Variants in VWA8 observed in about 807,000 individuals in gnomAD.
VWA8 encodes von Willebrand factor A domain-containing protein 8.
VWA8 carries 221 observed loss-of-function variants against 241.5 expected under a neutral mutation model. The observed-to-expected ratio is 0.91, with a 90% CI of 0.82 to 1.02. VWA8 has a LOEUF of 1.02. Ranked by LOEUF, VWA8 falls within the 50% of genes least tolerant of loss-of-function variation. The pLI is 0.00. For synonymous variants in VWA8, 852 were observed against 827.1 expected, an observed-to-expected ratio of 1.03 and a Z score of -0.52; for missense variants, 2,322 against 2,328.7, an observed-to-expected ratio of 1.00 and a Z score of 0.06.
chr13:41,635,550 G>A (rs2044751278), intron 37 of VWA8, among the ~76,000 whole-genome samples: 2 of 152,292 alleles, frequency 1.3e-5, no homozygotes, highest in Non-Finnish European at 2.9e-5. Context: ...AACAAGCCCT[G>A]GCTATGAATC....
At chr13:41,575,225 C>G (rs761744002) in intron 43 of VWA8, among the ~76,000 whole-genome samples, 2 of 151,998 alleles carry the variant, frequency 1.3e-5, no homozygotes, top group Non-Finnish European at 2.9e-5. Flanking sequence ...GACACAAAGA[C>G]ATAAGAGTGA....
At chr13:41,692,302 C>T (rs1016389125) in intron 30 of VWA8, among the ~76,000 whole-genome samples, 1 of 152,032 alleles carries the variant, frequency 6.6e-6, no homozygotes, top group African/African-American at 2.4e-5. Flanking sequence ...AAAAAAATCA[C>T]TCTTTTCATA....
At chr13:41,910,092 T>A (rs1001504870) in intron 3 of VWA8, among the ~76,000 whole-genome samples, 2 of 152,166 alleles carry the variant, frequency 1.3e-5, no homozygotes, top group East Asian at 3.8e-4. Context: ...CAATTTAAAG[T>A]TGGGGGTGTT....
chr13:41,801,717 G>A (rs951932646), intron 17 of VWA8, among the ~76,000 whole-genome samples: 13 of 152,106 alleles, frequency 8.5e-5, no homozygotes, highest in African/African-American at 2.7e-4. Context: ...TAGTTTTGTC[G>A]AATTTAGATA....
Position 41,568,118 on chromosome 13 carries a change from T to C in VWA8, c.*79A>G. On this transcript the variant is annotated 3_prime_UTR_variant, in exon 45 of 45. Transcript: ENST00000379310. ...TCACTGCATGGGTTCACTTCATCCATATCTTCTTTTTTTCAGAATACTCTT... is the reference window on the plus strand; with the variant it reads ...TCACTGCATGGGTTCACTTCATCCACATCTTCTTTTTTTCAGAATACTCTT... The C allele has an allele frequency of 1.6e-6, 2 of 1,236,630 alleles. No homozygotes were observed. The highest frequency in any genetic ancestry group is 2.4e-6 in the Non-Finnish European group (2 of 849,266). The allele number at this position is 1,236,630 out of a possible 1,614,324, so 76.6% of individuals were successfully genotyped here.
chr13:41,678,325 T>G (rs911212483), intron 35 of VWA8, among the ~76,000 whole-genome samples: 2 of 152,238 alleles, frequency 1.3e-5, no homozygotes, highest in Non-Finnish European at 2.9e-5. Context: ...CAAGTGGCCA[T>G]TTGCACAAAA....
chr13:41,607,211 C>G (rs1218944171), intron 39 of VWA8, among the ~76,000 whole-genome samples: 1 of 152,210 alleles, frequency 6.6e-6, no homozygotes, highest in African/African-American at 2.4e-5. Context: ...GCCTGGCACA[C>G]AGTGGCACTC....
At chr13:41,841,207 C>T (rs534984274) in intron 12 of VWA8, among the ~76,000 whole-genome samples, 3 of 152,230 alleles carry the variant, frequency 2.0e-5, no homozygotes, top group African/African-American at 7.2e-5. Context: ...TTAATGAACC[C>T]ATGAATAGAT....
intron 20 of VWA8, among the ~76,000 whole-genome samples, chr13:41,762,944 G>C (rs2045751094): frequency 6.6e-6 from 1 of 151,920 alleles, no homozygotes; most frequent in Non-Finnish European, 1.5e-5. Flanking sequence ...TGATGACCAT[G>C]TTAATAAGGA....
intron 2 of VWA8, among the ~76,000 whole-genome samples, chr13:41,939,575 C>T (rs1258090857): frequency 6.6e-6 from 1 of 152,130 alleles, no homozygotes; most frequent in Admixed American, 6.5e-5. Context: ...GTGCCCAATG[C>T]TGTGCCCAAT....
intron 24 of VWA8, among the ~76,000 whole-genome samples, chr13:41,723,423 A>G (rs1273054813): frequency 6.6e-6 from 1 of 152,204 alleles, no homozygotes; most frequent in East Asian, 1.9e-4. Flanking sequence ...CTAACTTGTT[A>G]GCTTAAAAGT....
At chr13:41,881,804 C>A (rs1329386100) in intron 9 of VWA8, among the ~76,000 whole-genome samples, 1 of 142,024 alleles carries the variant, frequency 7.0e-6, no homozygotes, top group Non-Finnish European at 1.5e-5. Context: ...TAGGGGCGGC[C>A]GGGCAGAGGT....
intron 9 of VWA8, among the ~76,000 whole-genome samples, chr13:41,882,183 C>G (rs965864244): frequency 6.6e-6 from 1 of 150,492 alleles, no homozygotes; most frequent in East Asian, 2.0e-4. Flanking sequence ...AGGGCAGAGG[C>G]TCTCCCCACA....
In VWA8 at chr13:41,703,322, G is replaced by C. The variant is rs1257748217; in HGVS notation, c.3206C>G (p.Thr1069Ser). The change falls in exon 27 of 45, where the codon ACT becomes AGT. Residue 1069 changes from threonine (T) to serine (S), a missense_variant. Transcript: ENST00000379310. ...ATCAACCTTTATGTCTATATGATGA[G>C]TTTCCACTGGACACAAGAGTTTTTG... ...GMQKLLCPVE[T>S]HHIDIKGPAL... The C allele has an allele frequency of 6.2e-7, 1 of 1,613,776 alleles. No individual in the cohort carries two copies.
At chr13:41,641,242 G>C (rs1476019589) in intron 37 of VWA8, among the ~76,000 whole-genome samples, 1 of 152,172 alleles carries the variant, frequency 6.6e-6, no homozygotes, top group Non-Finnish European at 1.5e-5. Flanking sequence ...AGCATGGCTG[G>C]GAGTGTTTTC....
Position 41,859,647 on chromosome 13 carries a change from G to C in VWA8, c.1425+6089C>G, listed in dbSNP as rs544426049. Among the ~76,000 whole-genome samples the C allele has an allele frequency of 8.5e-4, 130 of 152,172 alleles. 1 individual carries two copies. Among genetic ancestry groups the C allele is most frequent in the Non-Finnish European group, 1.7e-3 (115 of 67,988 alleles). On this transcript the variant is annotated intron_variant, in intron 12 of 44. Coordinates refer to ENST00000379310, the MANE Select transcript of VWA8 (RefSeq NM_015058.2). ...TTTCTTCAACACTATGAAATCACTG[G>C]TTTCAACCCTAAAAAAAGAATAATC... is the stretch of plus-strand genomic sequence containing the variant.
intron 21 of VWA8, among the ~76,000 whole-genome samples, chr13:41,738,623 A>G (rs1312281321): frequency 6.6e-6 from 1 of 152,246 alleles, no homozygotes; most frequent in Non-Finnish European, 1.5e-5. Flanking sequence ...CTAAAATAGT[A>G]TATAGAAAAT....
At chr13:41,669,735 G>A (rs894250721) in intron 37 of VWA8, among the ~76,000 whole-genome samples, 3 of 152,098 alleles carry the variant, frequency 2.0e-5, no homozygotes, top group Admixed American at 6.5e-5. Flanking sequence ...ACTGTAATGA[G>A]AACAAGAGCT....
chr13:41,763,790 C>T (rs947067185), intron 20 of VWA8, among the ~76,000 whole-genome samples: 11 of 152,146 alleles, frequency 7.2e-5, no homozygotes, highest in African/African-American at 2.2e-4. Flanking sequence ...TTCCTCCTCC[C>T]TTCCCACCTC....
Sources: gnomAD v4.1 joint callset for allele counts (sites outside exome capture counted in the v4.1 genomes callset) on GRCh38, gnomAD v4.1.1 for gene constraint, MANE v1.5 for transcripts, NCBI Gene and HGNC (gene_info 2026-07-23, HGNC 2026-07-21) for gene names.